NEK11: variants seen among roughly 807,000 people sequenced by gnomAD.
NEK11 encodes the protein serine/threonine-protein kinase Nek11.
In NEK11, 72 loss-of-function variants were observed where a neutral mutation model predicts 80.7. The ratio of observed to expected loss-of-function variants is 0.89; its 90% CI spans 0.74 to 1.08. The LOEUF (loss-of-function observed/expected upper bound fraction) is 1.08, where lower values mean the gene tolerates loss of function less well. Among genes scored for constraint, NEK11 ranks in the 50% least tolerant of loss-of-function variants. NEK11 has a pLI of 0.00. For missense variants in NEK11, 764 were observed against 763.6 expected (o/e 1.00, Z -0.01); for synonymous variants, 251 against 260.7 (o/e 0.96, Z 0.36).
At chr3:131,160,206 G>T (rs1020273960) in intron 10 of NEK11, among the ~76,000 whole-genome samples, 1 of 152,184 alleles carries the variant, frequency 6.6e-6, no homozygotes, top group Non-Finnish European at 1.5e-5. Flanking sequence ...ACAAAGGGAA[G>T]CCCATCAAAC....
intron 14 of NEK11, among the ~76,000 whole-genome samples, chr3:131,226,074 G>T (rs911261592): frequency 6.6e-6 from 1 of 152,062 alleles, no homozygotes; most frequent in Non-Finnish European, 1.5e-5. Flanking sequence ...AAAGAGACTC[G>T]AGAGGGAGAG....
chr3:131,241,732 A>C (rs766325590), intron 15 of NEK11, among the ~76,000 whole-genome samples: 1 of 152,118 alleles, frequency 6.6e-6, no homozygotes, highest in African/African-American at 2.4e-5. Context: ...CATACCGTAC[A>C]TATATAGTAT....
chr3:131,041,312 G>C (rs533515803), intron 3 of NEK11, among the ~76,000 whole-genome samples: 1 of 152,244 alleles, frequency 6.6e-6, no homozygotes, highest in African/African-American at 2.4e-5. Context: ...TGAAACATTT[G>C]GGTGTTCCAT....
chr3:131,258,281 C>A (rs933303143), intron 16 of NEK11, among the ~76,000 whole-genome samples: 4 of 151,836 alleles, frequency 2.6e-5, no homozygotes, highest in African/African-American at 9.7e-5. Context: ...ATCCATATAG[C>A]CAAAAACCAC....
At chr3:131,076,996 A>T (rs1308952582) in intron 3 of NEK11, among the ~76,000 whole-genome samples, 5 of 152,216 alleles carry the variant, frequency 3.3e-5, no homozygotes, top group Non-Finnish European at 5.9e-5. Context: ...TATCTCAAAG[A>T]TATCATCTTC....
intron 14 of NEK11, among the ~76,000 whole-genome samples, chr3:131,220,244 C>T (rs931195806): frequency 2.6e-5 from 4 of 151,986 alleles, no homozygotes; most frequent in African/African-American, 9.7e-5. Context: ...TTGACTTTTA[C>T]CTTATGTAAA....
chr3:131,270,007 C>A (rs2096148024), intron 16 of NEK11, among the ~76,000 whole-genome samples: 1 of 152,168 alleles, frequency 6.6e-6, no homozygotes. Context: ...GCCCTTAATC[C>A]CCATCCCATA....
At chr3:131,264,105 A>G (rs1416881575) in intron 16 of NEK11, among the ~76,000 whole-genome samples, 7 of 151,906 alleles carry the variant, frequency 4.6e-5, no homozygotes, top group Admixed American at 1.3e-4. Flanking sequence ...TGTAGATTCT[A>G]GATATTAGCC....
chr3:131,265,816 A>G (rs2096042932), intron 16 of NEK11, among the ~76,000 whole-genome samples: 2 of 152,330 alleles, frequency 1.3e-5, no homozygotes, highest in African/African-American at 4.8e-5. Context: ...TACCTCTGGT[A>G]GAATTCGGCT....
chr3:131,291,430 C>G (rs1473115543), intron 17 of NEK11, among the ~76,000 whole-genome samples: 5 of 152,112 alleles, frequency 3.3e-5, no homozygotes, highest in Admixed American at 3.3e-4. Flanking sequence ...TTCAACTCCT[C>G]TAGGTAAATA....
intron 11 of NEK11, among the ~76,000 whole-genome samples, chr3:131,164,364 G>T (rs540670650): frequency 1.3e-5 from 2 of 152,294 alleles, no homozygotes; most frequent in South Asian, 4.1e-4. Flanking sequence ...ATACAAGTTG[G>T]ATTCTGCAAA....
intron 5 of NEK11, among the ~76,000 whole-genome samples, chr3:131,118,180 T>C (rs1177317860): frequency 6.6e-6 from 1 of 152,228 alleles, no homozygotes; most frequent in Non-Finnish European, 1.5e-5. Flanking sequence ...GTTTTGGGTA[T>C]GAAGGGCTGT....
chr3:131,220,718 C>T (rs2094991454), intron 14 of NEK11, among the ~76,000 whole-genome samples: 1 of 152,194 alleles, frequency 6.6e-6, no homozygotes, highest in Non-Finnish European at 1.5e-5. Context: ...CCATGACAGC[C>T]AGCTCCGCAA....
At chr3:131,312,019 C>T (rs779015551) in intron 17 of NEK11, among the ~76,000 whole-genome samples, 22 of 152,244 alleles carry the variant, frequency 1.4e-4, no homozygotes, top group Non-Finnish European at 2.5e-4. Context: ...TAGAAAAGCT[C>T]GGAAGGCAAC....
intron 3 of NEK11, among the ~76,000 whole-genome samples, chr3:131,050,240 G>A (rs1262390296): frequency 6.6e-6 from 1 of 152,196 alleles, no homozygotes; most frequent in African/African-American, 2.4e-5. Context: ...TGCCACTTAT[G>A]AATATCCAAC....
chr3:131,186,099 A>G (rs917236416), intron 14 of NEK11, among the ~76,000 whole-genome samples: 2 of 152,224 alleles, frequency 1.3e-5, no homozygotes, highest in African/African-American at 4.8e-5. Flanking sequence ...AATCAGTGTC[A>G]AAGCAAGTTG....
Position 131,143,633 on chromosome 3 carries a change from G to A in NEK11, c.648-8755G>A, listed in dbSNP as rs371303093. On this transcript the variant is annotated intron_variant, in intron 7 of 17. Transcript: ENST00000383366. ...ATCAGCATTTTAACAAAACCCCTAA[G>A]TGATTTACATATATGTTAAAGTTTG... is the stretch of plus-strand genomic sequence containing the variant. Among the ~76,000 whole-genome samples the A allele has an allele frequency of 1.7e-4, 26 of 152,116 alleles. No homozygotes were observed. The South Asian group carries it at 5.0e-3, about 29-fold the overall frequency.
At chr3:131,298,602 A>G (rs1007547077) in intron 17 of NEK11, among the ~76,000 whole-genome samples, 2 of 152,084 alleles carry the variant, frequency 1.3e-5, no homozygotes, top group Admixed American at 6.6e-5. Context: ...TTGTTCCTAT[A>G]TAGGCAAAAT....
chr3:131,311,822 A>T (rs2096785049), intron 17 of NEK11, among the ~76,000 whole-genome samples: 1 of 152,244 alleles, frequency 6.6e-6, no homozygotes, highest in Non-Finnish European at 1.5e-5. Flanking sequence ...AGTGATAAAC[A>T]TCCCAGAGAA....
Sources: allele counts gnomAD v4.1 joint callset (sites outside exome capture counted in the v4.1 genomes callset), GRCh38; gene constraint gnomAD v4.1.1; transcripts MANE v1.5; gene names NCBI Gene and HGNC (gene_info 2026-07-23, HGNC 2026-07-21).